CD163L1: variants seen among roughly 807,000 people sequenced by gnomAD.
CD163L1 encodes CD163 molecule like 1, also known as scavenger receptor cysteine-rich type 1 protein M160.
In CD163L1, 124 loss-of-function variants were observed where a neutral mutation model predicts 165.4. That is an observed-to-expected ratio of 0.75 (90% CI 0.65 to 0.87). The LOEUF (loss-of-function observed/expected upper bound fraction) is 0.87. Among genes scored for constraint, CD163L1 ranks in the 40% least tolerant of loss-of-function variants. CD163L1 has a pLI of 0.00. For synonymous variants in CD163L1, 585 were observed against 662.2 expected (o/e 0.88, Z 1.79); for missense variants, 1,525 against 1,799.9 (o/e 0.85, Z 2.76).
At chr12:7,391,657 C>T (rs1947656136) in intron 8 of CD163L1, among the ~76,000 whole-genome samples, 1 of 152,032 alleles carries the variant, frequency 6.6e-6, no homozygotes, top group South Asian at 2.1e-4. Flanking sequence ...CAAGACCCGT[C>T]AGTGTGCTGT....
chr12:7,374,727 C>T lies in CD163L1; in HGVS notation c.3124G>A (p.Asp1042Asn), dbSNP rs374348273. ...TCTACTCTCCCGGCACAGCGGCTGTCCCCATCCACTAGGCGGAGCCGTTTG... is the reference window on the plus strand; with the variant it reads ...TCTACTCTCCCGGCACAGCGGCTGTTCCCATCCACTAGGCGGAGCCGTTTG... ...EDKRLRLVDG[D>N]SRCAGRVEIY... is the part of the protein sequence containing the mutation. Residue 1042 changes from aspartate to asparagine, a missense_variant, in exon 13 of 20, where the codon GAC (aspartate) becomes AAC (asparagine). By Grantham distance (23) the Asp-to-Asn change is conservative. Transcript: ENST00000313599. This position sits in a 1 kb window ranked among gnomAD's most constrained non-coding sequence, Gnocchi z 5.4. The T allele has an allele frequency of 1.2e-6, 2 of 1,613,764 alleles. No individual in the cohort carries two copies. Among genetic ancestry groups the T allele is most frequent in the Non-Finnish European group, 1.7e-6 (2 of 1,179,840 alleles).
intron 8 of CD163L1, among the ~76,000 whole-genome samples, chr12:7,391,934 G>T (rs1006353433): frequency 6.6e-6 from 1 of 152,102 alleles, no homozygotes; most frequent in Admixed American, 6.5e-5. Context: ...CAAGTCCTTA[G>T]AGACCTACAA....
At chr12:7,367,720 A>C (rs1376975841) in intron 17 of CD163L1, among the ~76,000 whole-genome samples, 1 of 152,168 alleles carries the variant, frequency 6.6e-6, no homozygotes, top group Non-Finnish European at 1.5e-5. Flanking sequence ...AGTGGTGTTC[A>C]AACCCAGGAA....
At chr12:7,357,276 G>T in intron 19 of CD163L1, 104 bp downstream of exon 19, 1 of 665,566 alleles carries the variant, frequency 1.5e-6, no homozygotes, top group Non-Finnish European at 2.6e-6. Context: ...ATGAACCAGT[G>T]ACATAATATA....
the CD163L1 span, among the ~76,000 whole-genome samples, chr12:7,328,993 CAT>C: frequency 1.4e-5 from 2 of 147,276 alleles, no homozygotes; most frequent in Admixed American, 6.8e-5. Context: ...TGTATATACA[CAT>C]ATGTATATAT....
chr12:7,401,063 A>G (rs749330916), intron 6 of CD163L1, among the ~76,000 whole-genome samples: 1 of 152,192 alleles, frequency 6.6e-6, no homozygotes, highest in Non-Finnish European at 1.5e-5. Flanking sequence ...ATTTTTGAAC[A>G]TTGACTTTGG....
rs1234438605 is a variant in CD163L1, at chr12:7,383,309, C to T, written c.2051-4011G>A. Among the ~76,000 whole-genome samples, 3 of 152,184 alleles carry T rather than the reference C, an allele frequency of 2.0e-5. No homozygotes were observed. In the East Asian group the frequency reaches 5.8e-4, roughly 29 times the overall value. On this transcript the variant is annotated intron_variant, in intron 8 of 19. Coordinates refer to ENST00000313599, the MANE Select transcript of CD163L1 (RefSeq NM_174941.6). ...TCCAGCACCCACCTACATGTGCCAC[C>T]TGGGGGCCTGGAGAATTGCCTGCCC... is the stretch of plus-strand genomic sequence containing the variant.
intron 4 of CD163L1, among the ~76,000 whole-genome samples, chr12:7,408,092 T>C (rs1399468246): frequency 6.7e-6 from 1 of 148,482 alleles, no homozygotes; most frequent in Non-Finnish European, 1.5e-5. Context: ...TATATATATA[T>C]ATCATATATA....
chr12:7,430,634 C>A (rs141412635), intron 4 of CD163L1, among the ~76,000 whole-genome samples: 96 of 152,182 alleles, frequency 6.3e-4, no homozygotes, highest in Non-Finnish European at 1.2e-3. Context: ...AATTAAATAA[C>A]TAAAATGTTA....
In CD163L1 at chr12:7,373,434, A is replaced by C. The variant is rs1947184030; in HGVS notation, c.3616T>G (p.Trp1206Gly). ...TTAGGACACTGAATGTCATCCACCC[A>C]CATGAAACCAGAGCCTGTCTTAGAT... ...PLSKTGSGFMWVDDIQCPKTH... is the reference protein window; with the variant it reads ...PLSKTGSGFMGVDDIQCPKTH... The change falls in exon 14 of 20, where the codon TGG becomes GGG. Residue 1206 changes from tryptophan (W) to glycine (G), a missense_variant. By Grantham distance (184) the Trp-to-Gly change is radical (BLOSUM62 -2). Transcript: ENST00000313599. The C allele has an allele frequency of 6.2e-7, 1 of 1,614,114 alleles. No homozygotes were observed. Among genetic ancestry groups the C allele is most frequent in the Non-Finnish European group, 8.5e-7 (1 of 1,180,032 alleles).
chr12:7,380,958 G>A (rs1947394038), intron 8 of CD163L1, among the ~76,000 whole-genome samples: 1 of 152,036 alleles, frequency 6.6e-6, no homozygotes, highest in African/African-American at 2.4e-5. Flanking sequence ...TGAGTGTGCT[G>A]TGGCATAGTC....
At chr12:7,437,327 TTTA>T (rs1243912814) in intron 2 of CD163L1, among the ~76,000 whole-genome samples, 2 of 145,618 alleles carry the variant, frequency 1.4e-5, no homozygotes, top group African/African-American at 5.3e-5. Flanking sequence ...TATTTTTATT[TTTA>T]TTTTTATTAA....
chr12:7,381,931 A>G (rs1591903748), intron 8 of CD163L1, among the ~76,000 whole-genome samples: 1 of 150,122 alleles, frequency 6.7e-6, no homozygotes, highest in Admixed American at 6.6e-5. Flanking sequence ...GTGACATCAT[A>G]TTGACTTTTA....
chr12:7,323,366 C>T, the CD163L1 span: 1,121 of 1,596,352 alleles, frequency 7.0e-4, 2 homozygotes, highest in Non-Finnish European at 9.3e-4. Context: ...GAACGTTTTC[C>T]TTTTCTGCTA....
intron 8 of CD163L1, 113 bp downstream of exon 8, chr12:7,395,982 T>TA: frequency 1.3e-6 from 1 of 763,472 alleles, no homozygotes; most frequent in Admixed American, 2.9e-5. Context: ...TGGTTAGCTC[T>TA]AAAAAAGTGA....
the CD163L1 span, among the ~76,000 whole-genome samples, chr12:7,336,963 C>G: frequency 1.3e-5 from 2 of 152,030 alleles, no homozygotes; most frequent in Non-Finnish European, 2.9e-5. Flanking sequence ...GTAATGGTAC[C>G]AAAACAGATA....
chr12:7,322,575 T>C, the CD163L1 span: 3 of 1,576,548 alleles, frequency 1.9e-6, no homozygotes, highest in Non-Finnish European at 2.6e-6. Flanking sequence ...TTAGTATATG[T>C]GGGGGCCTTT....
rs181368733 is a variant in CD163L1 at position 7,407,843 on chromosome 12, A to T, written c.767-991T>A. On this transcript the variant is annotated intron_variant, in intron 4 of 19. Coordinates refer to ENST00000313599, the MANE Select transcript of CD163L1 (RefSeq NM_174941.6). ...CACACACACATACACACACAAAATC[A>T]CCTCACCTTATCCACAGGGGTGTGG... is the stretch of plus-strand genomic sequence containing the variant. Among the ~76,000 whole-genome samples the T allele has an allele frequency of 2.0e-5, 3 of 150,908 alleles. 1 individual carries two copies. The highest frequency in any genetic ancestry group is 7.3e-5 in the African/African-American group (3 of 41,078).
In CD163L1 at chr12:7,369,246, T is replaced by C. The variant is rs974755938; in HGVS notation, c.4039+111A>G. ...GTTAGTTTAACATAGCCTTTCATTC[T>C]TCAACAAGAAATCCTAGTATCTTCA... On this transcript the variant is annotated intron_variant, in intron 15 of 19. Transcript: ENST00000313599. This position sits in a 1 kb window ranked among gnomAD's most constrained non-coding sequence, Gnocchi z 4.9. The C allele has an allele frequency of 8.2e-6, 10 of 1,214,310 alleles. No individual in the cohort carries two copies. The highest frequency in any genetic ancestry group is 1.5e-5 in the African/African-American group (1 of 66,194). 75.2% of individuals were successfully genotyped at this position (1,214,310 alleles called of 1,614,324 possible). A position where few individuals can be genotyped will look rare whatever the true frequency, so the allele number is the denominator to read the frequency against.
Sources: allele counts gnomAD v4.1 joint callset (sites outside exome capture counted in the v4.1 genomes callset), GRCh38; gene constraint gnomAD v4.1.1; non-coding constraint Gnocchi (gnomAD v3.1); transcripts MANE v1.5; gene names NCBI Gene and HGNC (gene_info 2026-07-23, HGNC 2026-07-21).